The following CNBD1 variants were observed in gnomAD, a reference collection of about 807,000 sequenced individuals.
CNBD1 encodes the protein cyclic nucleotide-binding domain-containing protein 1.
Under a neutral mutation model 54.4 loss-of-function variants are expected in CNBD1, and 71 were observed. The ratio of observed to expected loss-of-function variants is 1.30; its 90% CI spans 1.08 to 1.59. CNBD1 has a LOEUF of 1.59. CNBD1 is among the 40% of genes most tolerant of loss of function. CNBD1 has a pLI of 0.00. For missense variants in CNBD1, 659 were observed against 518.0 expected, an observed-to-expected ratio of 1.27 and a Z score of -2.64; for synonymous variants, 182 against 170.7, an observed-to-expected ratio of 1.07 and a Z score of -0.51.
At chr8:86,942,495 C>T (rs1807347902) in intron 4 of CNBD1, among the ~76,000 whole-genome samples, 1 of 152,166 alleles carries the variant, frequency 6.6e-6, no homozygotes, top group Non-Finnish European at 1.5e-5. Flanking sequence ...GTAGGACTGA[C>T]ATCCCCACTT....
intron 2 of CNBD1, among the ~76,000 whole-genome samples, chr8:87,388,671 T>C (rs1039347674): frequency 6.6e-6 from 1 of 152,062 alleles, no homozygotes; most frequent in Admixed American, 6.5e-5. Context: ...CTACCAGAGG[T>C]ACAAGGAGGA....
At chr8:86,935,817 G>T (rs1208768440) in intron 3 of CNBD1, among the ~76,000 whole-genome samples, 1 of 151,786 alleles carries the variant, frequency 6.6e-6, no homozygotes, top group Non-Finnish European at 1.5e-5. Flanking sequence ...TCTGATCTTA[G>T]CTCATGAATT....
chr8:86,905,004 A>G lies in CNBD1; in HGVS notation c.159-77A>G. 4.0e-6 allele frequency: 3 copies of G among 742,700 alleles called. No homozygotes were observed. In the Admixed American group the frequency reaches 6.8e-5, roughly 17 times the overall value. The allele number at this position is 742,700 out of a possible 1,614,324, so 46.0% of individuals were successfully genotyped here. On this transcript the variant is annotated intron_variant, in intron 2 of 10. Coordinates refer to ENST00000518476, the MANE Select transcript of CNBD1 (RefSeq NM_173538.3). ...TAAATAGTATAGAATTGATACGTAT[A>G]TATTGAGTTAAAAATCTTTCTCTTG...
At chr8:87,246,087 T>A (rs1027700468) in intron 6 of CNBD1, among the ~76,000 whole-genome samples, 1 of 152,098 alleles carries the variant, frequency 6.6e-6, no homozygotes, top group African/African-American at 2.4e-5. Context: ...TCAGTTTTGG[T>A]GTTTTTTTGT....
intron 3 of CNBD1, among the ~76,000 whole-genome samples, chr8:86,920,077 A>G (rs11784734): frequency 1.3e-5 from 2 of 151,928 alleles, no homozygotes; most frequent in African/African-American, 4.8e-5. Context: ...AATTTAGCCC[A>G]CATTTTAAAG....
intron 10 of CNBD1, among the ~76,000 whole-genome samples, chr8:87,358,227 G>C (rs1303970164): frequency 1.3e-5 from 2 of 152,102 alleles, no homozygotes; most frequent in African/African-American, 4.8e-5. Context: ...CTTACAGAAT[G>C]TGTTACCAAT....
rs1563482820 is a variant in CNBD1, at chr8:87,137,083, A to ATAT, written c.432-68909_432-68907dup. 1.1e-4 allele frequency among the ~76,000 whole-genome samples: 10 copies of ATAT among 93,550 alleles called. 1 individual carries two copies. The highest frequency in any genetic ancestry group is 5.7e-3 in the Middle Eastern group (1 of 174). The allele number at this position is 93,550 out of a possible 152,430, so 61.4% of individuals were successfully genotyped here. On this transcript the variant is annotated intron_variant, in intron 4 of 10. Transcript: ENST00000518476. ...TATATTTATATTCTATGTAAATTAT[A>ATAT]TATATTTATATTATATGTAAATTAT...
intron 4 of CNBD1, among the ~76,000 whole-genome samples, chr8:87,063,680 T>C (rs1810589334): frequency 6.6e-6 from 1 of 152,060 alleles, no homozygotes; most frequent in African/African-American, 2.4e-5. Context: ...AGGGTTCTAT[T>C]ATCTATATAT....
At chr8:87,233,567 T>A (rs919524965) in intron 5 of CNBD1, among the ~76,000 whole-genome samples, 1 of 152,172 alleles carries the variant, frequency 6.6e-6, no homozygotes. Context: ...GGGTCTTGCC[T>A]CAATGTTGAT....
intron 2 of CNBD1, among the ~76,000 whole-genome samples, chr8:87,400,652 T>C (rs978848575): frequency 6.6e-6 from 1 of 151,974 alleles, no homozygotes; most frequent in Non-Finnish European, 1.5e-5. Context: ...ACAAGATTGA[T>C]AATTTGACTT....
intron 4 of CNBD1, among the ~76,000 whole-genome samples, chr8:87,094,281 G>A (rs1811274616): frequency 6.6e-6 from 1 of 152,006 alleles, no homozygotes; most frequent in African/African-American, 2.4e-5. Flanking sequence ...TATTGGCATA[G>A]CTTGGGCCCC....
intron 8 of CNBD1, among the ~76,000 whole-genome samples, chr8:87,324,734 T>G (rs1206854018): frequency 1.3e-5 from 2 of 150,712 alleles, no homozygotes; most frequent in East Asian, 1.9e-4. Flanking sequence ...TCAATTTTGT[T>G]GATCCTTTCA....
chr8:86,941,317 A>G (rs1301806995), intron 4 of CNBD1, among the ~76,000 whole-genome samples: 1 of 152,226 alleles, frequency 6.6e-6, no homozygotes, highest in Non-Finnish European at 1.5e-5. Flanking sequence ...TTCGTTAAAA[A>G]TATTCTTTAA....
intron 4 of CNBD1, among the ~76,000 whole-genome samples, chr8:87,064,070 A>G (rs1471301525): frequency 6.6e-6 from 1 of 151,938 alleles, no homozygotes; most frequent in African/African-American, 2.4e-5. Context: ...CCTTCTTTCT[A>G]ATCTTTATAC....
At chr8:87,411,729 C>A (rs1481772780) in intron 2 of CNBD1, among the ~76,000 whole-genome samples, 1 of 150,664 alleles carries the variant, frequency 6.6e-6, no homozygotes, top group African/African-American at 2.4e-5. Flanking sequence ...TTTTCACCAC[C>A]AAGTTATGTA....
intron 4 of CNBD1, among the ~76,000 whole-genome samples, chr8:87,025,907 T>C (rs549891087): frequency 6.6e-6 from 1 of 152,290 alleles, no homozygotes; most frequent in South Asian, 2.1e-4. Flanking sequence ...ACAGGATGAA[T>C]TGATGAGGAT....
rs181260389 is a variant in CNBD1, at chr8:87,348,319, G to A, written c.1043-3366G>A. On this transcript the variant is annotated intron_variant, in intron 8 of 10. Coordinates refer to ENST00000518476, the MANE Select transcript of CNBD1 (RefSeq NM_173538.3). ...TAATAAAGAAGTAGTGTTTAATATT[G>A]GGTAAAGTATTGATGTTTACATGGT... Among the ~76,000 whole-genome samples the A allele has an allele frequency of 3.3e-3, 507 of 152,106 alleles. 2 individuals are homozygous for A. The highest frequency in any genetic ancestry group is 0.01 in the African/African-American group (433 of 41,488).
intron 8 of CNBD1, among the ~76,000 whole-genome samples, chr8:87,332,013 C>A (rs1356309167): frequency 6.9e-6 from 1 of 145,676 alleles, no homozygotes; most frequent in Admixed American, 6.7e-5. Context: ...CTGTAGGTTG[C>A]ATGTTCACTC....
Position 87,303,823 on chromosome 8 carries a change from C to A in CNBD1, c.1042+17152C>A, listed in dbSNP as rs191580733. 4.3e-3 allele frequency among the ~76,000 whole-genome samples: 653 copies of A among 151,732 alleles called. 4 individuals are homozygous for A. The highest frequency in any genetic ancestry group is 0.031 in the Middle Eastern group (9 of 294). ...ATAAACAACCCCATCAACAAGTGGG[C>A]GAAGGATATGAACAGACACTTCTCA... On this transcript the variant is annotated intron_variant, in intron 8 of 10. Coordinates refer to ENST00000518476, the MANE Select transcript of CNBD1 (RefSeq NM_173538.3).
Sources: allele counts gnomAD v4.1 joint callset (sites outside exome capture counted in the v4.1 genomes callset), GRCh38; gene constraint gnomAD v4.1.1; transcripts MANE v1.5; gene names NCBI Gene and HGNC (gene_info 2026-07-23, HGNC 2026-07-21).